Variants in TBCEL observed in about 807,000 individuals in gnomAD.
The protein encoded by TBCEL is tubulin folding cofactor E like, also known as tubulin-specific chaperone cofactor E-like protein.
A neutral mutation model predicts 44.2 loss-of-function variants in TBCEL; 15 were observed. That is an observed-to-expected ratio of 0.34 (90% CI 0.23 to 0.52). The LOEUF is 0.52. Among genes scored for constraint, TBCEL ranks in the 20% least tolerant of loss-of-function variants. TBCEL has a pLI of 0.95. For synonymous variants in TBCEL, 171 were observed against 185.4 expected, an observed-to-expected ratio of 0.92 and a Z score of 0.63; for missense variants, 319 against 506.3, an observed-to-expected ratio of 0.63 and a Z score of 3.55.
At chr11:121,050,938 C>G (rs1466990225) in intron 4 of TBCEL, among the ~76,000 whole-genome samples, 1 of 151,560 alleles carries the variant, frequency 6.6e-6, no homozygotes, top group African/African-American at 2.4e-5. Context: ...ATATACTGCC[C>G]TAGAAACTCA....
At chr11:121,042,413 A>G (rs887978491) in intron 2 of TBCEL, among the ~76,000 whole-genome samples, 2 of 152,106 alleles carry the variant, frequency 1.3e-5, no homozygotes, top group African/African-American at 2.4e-5. Flanking sequence ...GAACTTTTCA[A>G]CCTGAAGTTC....
In TBCEL at chr11:121,090,064, C is replaced by G. The variant is rs1946269009; in HGVS notation, c.*2968C>G. 6.6e-6 allele frequency: 1 copy of G among 152,174 alleles called. No homozygotes were observed. Among genetic ancestry groups the G allele is most frequent in the African/African-American group, 2.4e-5 (1 of 41,438 alleles). The allele number at this position is 152,174 out of a possible 1,614,324, so 9.4% of individuals were successfully genotyped here. On this transcript the variant is annotated 3_prime_UTR_variant, in exon 9 of 9. Transcript: ENST00000683345. ...TCAAGTTTTTGCAGCCTTTTGCCAG[C>G]ATTGCCATAAATACGTAAGAAAGCA...
At chr11:121,048,178 T>A (rs1476555097) in intron 4 of TBCEL, among the ~76,000 whole-genome samples, 1 of 151,890 alleles carries the variant, frequency 6.6e-6, no homozygotes, top group South Asian at 2.1e-4. Context: ...GCTCATTCTC[T>A]ACTTCTACTT....
chr11:121,046,838 A>G (rs1355647954), intron 3 of TBCEL, among the ~76,000 whole-genome samples: 1 of 152,098 alleles, frequency 6.6e-6, no homozygotes. Context: ...AGTTTGACCA[A>G]ATTCAATGTT....
chr11:121,066,307 A>G (rs1945819577), intron 8 of TBCEL, among the ~76,000 whole-genome samples: 2 of 152,176 alleles, frequency 1.3e-5, no homozygotes, highest in African/African-American at 4.8e-5. Flanking sequence ...ATTACTCCTT[A>G]AGAGTTAAAA....
intron 8 of TBCEL, among the ~76,000 whole-genome samples, chr11:121,073,418 A>G (rs1945972958): frequency 6.6e-6 from 1 of 151,688 alleles, no homozygotes; most frequent in Non-Finnish European, 1.5e-5. Flanking sequence ...TTGAAGTGAA[A>G]TCATTTTTTC....
chr11:121,090,414 A>G lies in TBCEL; in HGVS notation c.*3318A>G, dbSNP rs1946273408. ...TGAATACAGAATACTAGATTGTTCT[A>G]AGTAATGTCATTTCGGTTTGTGAAT... On this transcript the variant is annotated 3_prime_UTR_variant, in exon 9 of 9. Coordinates refer to ENST00000683345, the MANE Select transcript of TBCEL (RefSeq NM_001363644.2). 2 of 152,112 alleles carry G rather than the reference A, an allele frequency of 1.3e-5. No homozygotes were observed. The highest frequency in any genetic ancestry group is 4.1e-4 in the South Asian group (2 of 4,834). The allele number at this position is 152,112 out of a possible 1,614,324, so 9.4% of individuals were successfully genotyped here.
intron 8 of TBCEL, among the ~76,000 whole-genome samples, chr11:121,078,579 T>G (rs1946071635): frequency 6.6e-6 from 1 of 152,216 alleles, no homozygotes; most frequent in Non-Finnish European, 1.5e-5. Context: ...AAGGTAGCCT[T>G]AGGCAGTGGA....
At chr11:121,036,742 A>G (rs1945238075) in intron 2 of TBCEL, 130 bp downstream of exon 2, 1 of 152,198 alleles carries the variant, frequency 6.6e-6, no homozygotes, top group South Asian at 2.1e-4. Flanking sequence ...ATGGTGGACT[A>G]CAAGCATGAG....
rs144833842 is a variant in TBCEL at position 121,047,545 on chromosome 11, A to G, written c.151A>G (p.Ser51Gly). 1.2e-6 allele frequency: 2 copies of G among 1,612,278 alleles called. No homozygotes were observed. The highest frequency in any genetic ancestry group is 3.3e-5 in the Admixed American group (2 of 59,904). The change falls in exon 4 of 9, where the codon AGT (serine) becomes GGT (glycine). Residue 51 changes from serine (S) to glycine (G), a missense_variant. Ser to Gly is a moderately conservative substitution (Grantham distance 56). Coordinates refer to ENST00000683345, the MANE Select transcript of TBCEL (RefSeq NM_001363644.2). The part of the protein sequence containing the change: ...SPMKDRLNLP[S>G]VLVLNSCGIT... Reference sequence around the variant, plus strand: ...TCATTCAGATCGCCTCAACCTCCCAAGTGTACTAGTGTTGAACAGCTGTGG... The same window carrying G: ...TCATTCAGATCGCCTCAACCTCCCAGGTGTACTAGTGTTGAACAGCTGTGG...
intron 6 of TBCEL, 141 bp downstream of exon 6, chr11:121,055,449 T>A: frequency 3.7e-6 from 3 of 818,954 alleles, no homozygotes; most frequent in Non-Finnish European, 5.2e-6. Flanking sequence ...TGCCTATGAT[T>A]GGCTAAATTT....
chr11:121,073,115 T>C (rs1244783630), intron 8 of TBCEL, among the ~76,000 whole-genome samples: 1 of 152,080 alleles, frequency 6.6e-6, no homozygotes, highest in African/African-American at 2.4e-5. Context: ...TTTCAGATTG[T>C]ATTAATTATT....
rs948232946 is a variant in TBCEL, at chr11:121,088,662, T to A, written c.*1566T>A. ...ACCCCTCCTACAAATTTAATTTTTT[T>A]ATGAAATTTTTAGGTGACTTGTAAA... On this transcript the variant is annotated 3_prime_UTR_variant, in exon 9 of 9. Transcript: ENST00000683345. 2.0e-5 allele frequency: 3 copies of A among 152,214 alleles called. No homozygotes were observed. Among genetic ancestry groups the A allele is most frequent in the East Asian group, 1.9e-4 (1 of 5,202 alleles). 9.4% of individuals were successfully genotyped at this position (152,214 alleles called of 1,614,324 possible).
In TBCEL at chr11:121,055,165, C is replaced by A. The variant is rs748206065; in HGVS notation, c.569C>A (p.Thr190Asn). 1 of 1,612,284 alleles carries A rather than the reference C, an allele frequency of 6.2e-7. No individual in the cohort carries two copies. Among genetic ancestry groups the A allele is most frequent in the Admixed American group, 1.7e-5 (1 of 59,824 alleles). The change falls in exon 6 of 9, where the codon ACT (threonine) becomes AAT (asparagine). Residue 190 changes from threonine to asparagine, a missense_variant. Thr to Asn is a moderately conservative substitution (Grantham distance 65). Transcript: ENST00000683345. ...HITDNNLQDW[T>N]EIRKLGVMFP... ...ACAGACAATAACCTCCAAGACTGGACTGAAATACGAAAGTTAGGAGTTATG... is the reference window on the plus strand; with the variant it reads ...ACAGACAATAACCTCCAAGACTGGAATGAAATACGAAAGTTAGGAGTTATG...
intron 8 of TBCEL, among the ~76,000 whole-genome samples, chr11:121,079,214 A>G (rs1289012263): frequency 1.3e-5 from 2 of 152,222 alleles, no homozygotes; most frequent in Non-Finnish European, 2.9e-5. Context: ...GGAAACATCT[A>G]TGGCTTCAGG....
chr11:121,073,119 A>AATT (rs1945967694), intron 8 of TBCEL, among the ~76,000 whole-genome samples: 1 of 152,108 alleles, frequency 6.6e-6, no homozygotes, highest in East Asian at 1.9e-4. Flanking sequence ...AGATTGTATT[A>AATT]ATTATTGTAG....
At chr11:121,050,579 G>C (rs923307578) in intron 4 of TBCEL, among the ~76,000 whole-genome samples, 2 of 151,434 alleles carry the variant, frequency 1.3e-5, no homozygotes, top group Admixed American at 1.3e-4. Flanking sequence ...GTAGATCTTT[G>C]TCTGACCTTT....
chr11:121,033,824 T>G (rs547826269), intron 1 of TBCEL, among the ~76,000 whole-genome samples: 1 of 151,672 alleles, frequency 6.6e-6, no homozygotes, highest in East Asian at 1.9e-4. Flanking sequence ...CCGTGCCCTC[T>G]GGCTCCTGAC....
chr11:121,035,082 C>G (rs972788267), intron 1 of TBCEL, among the ~76,000 whole-genome samples: 1 of 152,182 alleles, frequency 6.6e-6, no homozygotes, highest in African/African-American at 2.4e-5. Flanking sequence ...TCCTCCAGCT[C>G]TACATTCCGT....
Sources: allele counts gnomAD v4.1 joint callset (sites outside exome capture counted in the v4.1 genomes callset), GRCh38; gene constraint gnomAD v4.1.1; transcripts MANE v1.5; gene names NCBI Gene and HGNC (gene_info 2026-07-23, HGNC 2026-07-21).